The following SLC16A14 variants were observed in gnomAD, a reference collection of about 807,000 sequenced individuals.
The protein encoded by SLC16A14 is solute carrier family 16 member 14.
In SLC16A14, 14 loss-of-function variants were observed where a neutral mutation model predicts 35.8. The observed-to-expected ratio is 0.39, with a 90% CI of 0.26 to 0.61. The LOEUF (loss-of-function observed/expected upper bound fraction) is 0.61. Ranked by LOEUF, SLC16A14 falls within the 20% of genes least tolerant of loss-of-function variation. The pLI is 0.51. For synonymous variants in SLC16A14, 248 were observed against 258.9 expected, an observed-to-expected ratio of 0.96 and a Z score of 0.40; for missense variants, 533 against 655.0, an observed-to-expected ratio of 0.81 and a Z score of 2.03.
chr2:230,038,779 T>C lies in SLC16A14; in HGVS notation c.1382-1248A>G, dbSNP rs1437900400. Among the ~76,000 whole-genome samples the C allele has an allele frequency of 2.0e-5, 3 of 151,958 alleles. No individual in the cohort carries two copies. The highest frequency in any genetic ancestry group is 7.3e-5 in the African/African-American group (3 of 41,378). The stretch of plus-strand genomic sequence containing the variant: ...AAAATTAGCTGGGTGTGGTGGTGCA[T>C]GTCTATAATCCCAGCTACCCAGGAG... On this transcript the variant is annotated intron_variant, in intron 4 of 4. Coordinates refer to ENST00000295190, the MANE Select transcript of SLC16A14 (RefSeq NM_152527.5). This position sits in a 1 kb window ranked among gnomAD's most constrained non-coding sequence, Gnocchi z 4.4.
At chr2:230,043,999 C>T (rs182937695) in intron 4 of SLC16A14, among the ~76,000 whole-genome samples, 1 of 152,360 alleles carries the variant, frequency 6.6e-6, no homozygotes, top group Non-Finnish European at 1.5e-5. Flanking sequence ...GCCTCCGGGC[C>T]TGTGGTAGGC....
At chr2:230,041,620 G>A (rs770536139) in intron 4 of SLC16A14, among the ~76,000 whole-genome samples, 1 of 152,036 alleles carries the variant, frequency 6.6e-6, no homozygotes, top group Non-Finnish European at 1.5e-5. Flanking sequence ...ATGAGCCACC[G>A]CACCCAGCCT....
chr2:230,050,166 C>T (rs2077647502), intron 2 of SLC16A14, among the ~76,000 whole-genome samples: 1 of 152,180 alleles, frequency 6.6e-6, no homozygotes. Context: ...ACAAGAAAAC[C>T]AGTGGTCTAG....
chr2:230,058,041 AT>A (rs67459328), intron 2 of SLC16A14, among the ~76,000 whole-genome samples: 41,873 of 150,244 alleles, frequency 0.28, 6,184 homozygotes, highest in African/African-American at 0.36. Flanking sequence ...AAAAAAAAAA[AT>A]ATATCAGAAC....
chr2:230,040,840 G>T (rs1239449051), intron 4 of SLC16A14, among the ~76,000 whole-genome samples: 4 of 152,094 alleles, frequency 2.6e-5, no homozygotes, highest in African/African-American at 9.7e-5. Context: ...AACCCAGTCG[G>T]ATGTAAAGCA....
Position 230,045,942 on chromosome 2 carries a change from C to G in SLC16A14, c.1184G>C (p.Ser395Thr). 1.2e-6 allele frequency: 2 copies of G among 1,612,798 alleles called. No homozygotes were observed. Among genetic ancestry groups the G allele is most frequent in the Non-Finnish European group, 1.7e-6 (2 of 1,178,822 alleles). Residue 395 changes from serine (S) to threonine (T), a missense_variant, in exon 4 of 5, where the codon AGT (serine) becomes ACT (threonine). Physicochemically the swap from Ser to Thr is moderately conservative, Grantham distance 58. Coordinates refer to ENST00000295190, the MANE Select transcript of SLC16A14 (RefSeq NM_152527.5). ...GTGCATCAACGGCAGAATAAAAATA[C>G]TGAGGACAAGGGTGAAGTTGGCCAA... ...FLLANFTLVL[S>T]IFILPLMHTY...
chr2:230,063,626 A>G (rs1456925077), intron 1 of SLC16A14, among the ~76,000 whole-genome samples: 1 of 152,244 alleles, frequency 6.6e-6, no homozygotes, highest in African/African-American at 2.4e-5. Context: ...ACATTTTCAA[A>G]GAGCCCTAGA....
intron 1 of SLC16A14, among the ~76,000 whole-genome samples, chr2:230,062,960 C>T (rs1195505470): frequency 6.6e-6 from 1 of 152,176 alleles, no homozygotes; most frequent in African/African-American, 2.4e-5. Context: ...TCCCATTATC[C>T]AGATTGCTGG....
At chr2:230,044,030 AAC>A (rs2077580781) in intron 4 of SLC16A14, among the ~76,000 whole-genome samples, 1 of 152,194 alleles carries the variant, frequency 6.6e-6, no homozygotes, top group Non-Finnish European at 1.5e-5. Flanking sequence ...CACCCCCCAA[AAC>A]ACCGAAGTCC....
chr2:230,047,307 CTTTT>C (rs56262602), intron 3 of SLC16A14, among the ~76,000 whole-genome samples: 94 of 110,304 alleles, frequency 8.5e-4, no homozygotes, highest in South Asian at 3.4e-3. Context: ...TATCTGACTT[CTTTT>C]TTTTTTTTTT....
chr2:230,058,951 G>A (rs2077729027), intron 2 of SLC16A14, 143 bp downstream of exon 2: 2 of 1,429,978 alleles, frequency 1.4e-6, no homozygotes, highest in African/African-American at 1.4e-5. Flanking sequence ...TAAATTTTAT[G>A]TTATGCATAT....
At chr2:230,064,698 G>A (rs986491283) in intron 1 of SLC16A14, among the ~76,000 whole-genome samples, 1 of 152,186 alleles carries the variant, frequency 6.6e-6, no homozygotes, top group African/African-American at 2.4e-5. Context: ...AGGCTTTGAA[G>A]TAATACAAAT....
At chr2:230,042,681 G>A (rs768542574) in intron 4 of SLC16A14, among the ~76,000 whole-genome samples, 2 of 152,126 alleles carry the variant, frequency 1.3e-5, no homozygotes, top group African/African-American at 2.4e-5. Context: ...CACCATTGGC[G>A]GACTGATTCA....
At chr2:230,048,855 G>A (rs1450554122) in intron 3 of SLC16A14, among the ~76,000 whole-genome samples, 17 of 147,712 alleles carry the variant, frequency 1.2e-4, no homozygotes, top group Admixed American at 7.5e-4. Context: ...CCCAGGAGGC[G>A]GAGGTTGCAG....
intron 1 of SLC16A14, among the ~76,000 whole-genome samples, chr2:230,061,688 G>A (rs1235824664): frequency 6.6e-6 from 1 of 152,088 alleles, no homozygotes; most frequent in Non-Finnish European, 1.5e-5. Flanking sequence ...ACCTTGGTTT[G>A]GAAAGTGACA....
At chr2:230,059,892 G>T (rs1167977008) in intron 1 of SLC16A14, among the ~76,000 whole-genome samples, 3 of 152,188 alleles carry the variant, frequency 2.0e-5, no homozygotes, top group African/African-American at 4.8e-5. Context: ...GAGTGGATTA[G>T]CCTCAGGGGG....
rs2106235271 is a variant in SLC16A14 at position 230,036,044 on chromosome 2, T to C, written c.*1336A>G. On this transcript the variant is annotated 3_prime_UTR_variant, in exon 5 of 5. Transcript: ENST00000295190. The stretch of plus-strand genomic sequence containing the variant: ...TTTAGGTAAATTTGACCTAAGACAC[T>C]GGCAATGATATTCAAGGATTTGTGT... The C allele has an allele frequency of 6.5e-6, 1 of 152,760 alleles. No homozygotes were observed. The highest frequency in any genetic ancestry group is 1.9e-4 in the East Asian group (1 of 5,188). The allele number at this position is 152,760 out of a possible 1,614,324, so 9.5% of individuals were successfully genotyped here.
At position 230,045,777 on chromosome 2, in the gene SLC16A14, C is replaced by G. The variant is rs1316945865; in HGVS notation, c.1349G>C (p.Gly450Ala). Residue 450 changes from glycine to alanine, a missense_variant, in exon 4 of 5, where the codon GGC becomes GCC. Gly to Ala is a moderately conservative substitution (Grantham distance 60, BLOSUM62 0). Coordinates refer to ENST00000295190, the MANE Select transcript of SLC16A14 (RefSeq NM_152527.5). ...AGGTGGTCCCAGCAATGCAGAGATGCCATTAGCACAGATGATGATGCCGTA... is the reference window on the plus strand; with the variant it reads ...AGGTGGTCCCAGCAATGCAGAGATGGCATTAGCACAGATGATGATGCCGTA... ...NAYGIIICAN[G>A]ISALLGPPFA... 1.2e-6 allele frequency: 2 copies of G among 1,614,172 alleles called. No individual in the cohort carries two copies. Among genetic ancestry groups the G allele is most frequent in the Non-Finnish European group, 1.7e-6 (2 of 1,180,034 alleles).
rs1453010374 is a variant in SLC16A14, at chr2:230,036,021, T to C, written c.*1359A>G. ...AATTGAGAATGGGCTGTATTCACTTTAGGTAAATTTGACCTAAGACACTGG... is the reference window on the plus strand; with the variant it reads ...AATTGAGAATGGGCTGTATTCACTTCAGGTAAATTTGACCTAAGACACTGG... On this transcript the variant is annotated 3_prime_UTR_variant, in exon 5 of 5. Coordinates refer to ENST00000295190, the MANE Select transcript of SLC16A14 (RefSeq NM_152527.5). 6.6e-6 allele frequency: 1 copy of C among 152,624 alleles called. No individual in the cohort carries two copies. The highest frequency in any genetic ancestry group is 1.5e-5 in the Non-Finnish European group (1 of 68,018). 9.5% of individuals were successfully genotyped at this position (152,624 alleles called of 1,614,324 possible).
Sources: gnomAD v4.1 joint callset for allele counts (sites outside exome capture counted in the v4.1 genomes callset) on GRCh38, gnomAD v4.1.1 for gene constraint, Gnocchi (gnomAD v3.1) non-coding constraint, MANE v1.5 for transcripts, NCBI Gene and HGNC (gene_info 2026-07-23, HGNC 2026-07-21) for gene names.